The following MAP7D1 variants were observed in gnomAD, a reference collection of about 807,000 sequenced individuals.
The protein encoded by MAP7D1 is MAP7 domain-containing protein 1.
A neutral mutation model predicts 97.5 loss-of-function variants in MAP7D1; 30 were observed. The observed-to-expected ratio is 0.31, with a 90% CI of 0.23 to 0.42. The LOEUF is 0.42. MAP7D1 is among the 10% of genes least tolerant of loss of function. MAP7D1 has a pLI of 1.00. For synonymous variants in MAP7D1, 536 were observed against 477.1 expected, an observed-to-expected ratio of 1.12 and a Z score of -1.61; for missense variants, 1,184 against 1,179.5, an observed-to-expected ratio of 1.00 and a Z score of -0.06.
At chr1:36,168,217 C>A (rs1644496680) in intron 1 of MAP7D1, among the ~76,000 whole-genome samples, 1 of 151,874 alleles carries the variant, frequency 6.6e-6, no homozygotes, top group South Asian at 2.1e-4. Flanking sequence ...ATTGCTTGAA[C>A]CTGGGAGGCA....
At position 36,180,418 on chromosome 1, in the gene MAP7D1, C is replaced by A; in HGVS notation, c.*160C>A. 1.0e-6 allele frequency: 1 copy of A among 974,930 alleles called. No individual in the cohort carries two copies. Among genetic ancestry groups the A allele is most frequent in the Non-Finnish European group, 1.6e-6 (1 of 623,576 alleles). The allele number at this position is 974,930 out of a possible 1,614,324, so 60.4% of individuals were successfully genotyped here. A position where few individuals can be genotyped will look rare whatever the true frequency, so the allele number is the denominator to read the frequency against. On this transcript the variant is annotated 3_prime_UTR_variant, in exon 17 of 17. Coordinates refer to ENST00000474796, the MANE Select transcript of MAP7D1 (RefSeq NM_001388490.1). ...TAATCTGCACCTTATAGACTGATGT[C>A]TCTTTGGCCGGAGCCAGATCTGCCC...
intron 4 of MAP7D1, 115 bp from the exon 5 acceptor site, chr1:36,173,249 G>C: frequency 1.3e-6 from 1 of 742,530 alleles, no homozygotes; most frequent in South Asian, 1.7e-5. Flanking sequence ...GTCAGGAAAA[G>C]ACTCCAAGGG....
intron 1 of MAP7D1, among the ~76,000 whole-genome samples, chr1:36,163,878 A>C (rs772594306): frequency 1.5e-4 from 18 of 116,728 alleles, no homozygotes; most frequent in Non-Finnish European, 2.4e-4. Context: ...CCCAGGCTGG[A>C]GTGCAGTAGT....
Position 36,176,924 on chromosome 1 carries a change from T to G in MAP7D1, c.1379+82T>G, listed in dbSNP as rs1004722998. ...CACAAATATTTGTTGGGCAACCACC[T>G]CTAGAATGCAACTTCCCTGAGGGCA... On this transcript the variant is annotated intron_variant, in intron 8 of 16. Transcript: ENST00000474796. The surrounding 1 kb of genome is among the most constrained non-coding windows in gnomAD (Gnocchi z 6.1). 5.7e-6 allele frequency: 7 copies of G among 1,219,440 alleles called. No individual in the cohort carries two copies. Among genetic ancestry groups the G allele is most frequent in the Non-Finnish European group, 8.1e-6 (7 of 864,190 alleles). 75.5% of individuals were successfully genotyped at this position (1,219,440 alleles called of 1,614,324 possible).
At chr1:36,174,740 C>T (rs138304888) in intron 5 of MAP7D1, among the ~76,000 whole-genome samples, 158 bp from the exon 6 acceptor site, 30 of 147,740 alleles carry the variant, frequency 2.0e-4, no homozygotes, top group Non-Finnish European at 3.3e-4. Flanking sequence ...CCCCACCCTC[C>T]CTCTCCCAGG....
At chr1:36,166,749 G>C (rs1170534984) in intron 1 of MAP7D1, among the ~76,000 whole-genome samples, 1 of 152,166 alleles carries the variant, frequency 6.6e-6, no homozygotes, top group African/African-American at 2.4e-5. Context: ...GACCCAGGGG[G>C]AACAAAGACT....
chr1:36,178,638 G>A (rs778844208), intron 10 of MAP7D1, 42 bp downstream of exon 10: 1 of 1,542,018 alleles, frequency 6.5e-7, no homozygotes, highest in Admixed American at 2.0e-5. Context: ...CGTGGGCGCT[G>A]GAGAAGAAGC....
chr1:36,176,440 G>T lies in MAP7D1; in HGVS notation c.1092G>T (p.Ser364=). The change falls in exon 7 of 17, where the codon TCG becomes TCT. Residue 364 remains serine, a synonymous_variant. Coordinates refer to ENST00000474796, the MANE Select transcript of MAP7D1 (RefSeq NM_001388490.1). The surrounding 1 kb of genome is among the most constrained non-coding windows in gnomAD (Gnocchi z 6.1). ...PSAAVPVCPR[S]ASASPLTPCS... is the part of the protein sequence containing the mutation. ...CAGCCGTGCCGGTGTGCCCGCGCTC[G>T]GCCTCCGCCAGCCCCCTGACGCCGT... 2.6e-6 allele frequency: 4 copies of T among 1,517,174 alleles called. No homozygotes were observed. Among genetic ancestry groups the T allele is most frequent in the South Asian group, 1.2e-5 (1 of 82,804 alleles). 94.0% of individuals were successfully genotyped at this position (1,517,174 alleles called of 1,614,324 possible).
chr1:36,168,338 A>G (rs919294177), intron 1 of MAP7D1, among the ~76,000 whole-genome samples: 8 of 151,306 alleles, frequency 5.3e-5, no homozygotes, highest in South Asian at 2.1e-4. Context: ...TACTAGTTCT[A>G]TGACTCTGTG....
In MAP7D1 at chr1:36,176,083, T is replaced by TC. The variant is rs1020349054; in HGVS notation, c.851-113dup. ...CCCGGTGTGATTGTGGGGAGAGGAC[T>TC]CCCGGGTGAGAAGCCTTGGCCTTGG... On this transcript the variant is annotated intron_variant, in intron 6 of 16. Transcript: ENST00000474796. This position sits in a 1 kb window ranked among gnomAD's most constrained non-coding sequence, Gnocchi z 6.1. The TC allele has an allele frequency of 3.4e-6, 4 of 1,165,510 alleles. No individual in the cohort carries two copies. The highest frequency in any genetic ancestry group is 4.7e-6 in the Non-Finnish European group (4 of 843,294). The allele number at this position is 1,165,510 out of a possible 1,614,324, so 72.2% of individuals were successfully genotyped here. A position where few individuals can be genotyped will look rare whatever the true frequency, so the allele number is the denominator to read the frequency against.
At chr1:36,171,955 A>AAC (rs1644551346) in intron 3 of MAP7D1, 1 of 222,212 alleles carries the variant, frequency 4.5e-6, no homozygotes, top group African/African-American at 2.3e-5. Flanking sequence ...AAAAAAAAAA[A>AAC]AAACCAACAC....
rs1180458245 is a variant in MAP7D1, at chr1:36,177,661, GA to G, written c.1380-211del. 3.8e-6 allele frequency: 3 copies of G among 794,354 alleles called. No homozygotes were observed. In the African/African-American group the frequency reaches 5.3e-5, roughly 14 times the overall value. 49.2% of individuals were successfully genotyped at this position (794,354 alleles called of 1,614,324 possible). A position where few individuals can be genotyped will look rare whatever the true frequency, so the allele number is the denominator to read the frequency against. Reference sequence around the variant, plus strand: ...TTAAGCTTACAGGCTATTGGCGGGGGACATACAATAATCAAAGAATCCCACA... The same window carrying G: ...TTAAGCTTACAGGCTATTGGCGGGGGCATACAATAATCAAAGAATCCCACA... On this transcript the variant is annotated intron_variant, in intron 8 of 16. Coordinates refer to ENST00000474796, the MANE Select transcript of MAP7D1 (RefSeq NM_001388490.1).
At chr1:36,175,137 C>T (rs913485390) in intron 6 of MAP7D1, 129 bp downstream of exon 6, 1 of 670,094 alleles carries the variant, frequency 1.5e-6, no homozygotes, top group Non-Finnish European at 2.7e-6. Flanking sequence ...CCCACTCTAC[C>T]TTACCCAGGG....
intron 1 of MAP7D1, among the ~76,000 whole-genome samples, chr1:36,156,914 C>T (rs1338956735): frequency 6.6e-6 from 1 of 152,158 alleles, no homozygotes; most frequent in Non-Finnish European, 1.5e-5. Context: ...CCCTGCATAC[C>T]GACGCCTCGG....
chr1:36,178,604 C>T lies in MAP7D1; in HGVS notation c.1886+8C>T, dbSNP rs1425708227. ...GCAGGCAGAAAGGGACAAGTGAGTGCGCCTCGGGGACTGAGGGGGCCCTCG... is the reference window on the plus strand; with the variant it reads ...GCAGGCAGAAAGGGACAAGTGAGTGTGCCTCGGGGACTGAGGGGGCCCTCG... On this transcript the variant is annotated splice_region_variant and intron_variant, in intron 10 of 16. Coordinates refer to ENST00000474796, the MANE Select transcript of MAP7D1 (RefSeq NM_001388490.1). 3.2e-6 allele frequency: 5 copies of T among 1,569,456 alleles called. No homozygotes were observed. Among genetic ancestry groups the T allele is most frequent in the African/African-American group, 1.4e-5 (1 of 74,018 alleles).
In MAP7D1 at chr1:36,178,062, C is replaced by A; in HGVS notation, c.1569C>A (p.Pro523=). 1 of 1,611,524 alleles carries A rather than the reference C, an allele frequency of 6.2e-7. No individual in the cohort carries two copies. ...AGGAGAGCCCCAGCGCCGCAGGGCC[C>A]GAGGACAAGAGCCAGAGCAAGCGCA... ...EAKESPSAAG[P]EDKSQSKRRA... is the part of the protein sequence containing the mutation. Residue 523 remains proline, a synonymous_variant, in exon 9 of 17, where the codon CCC becomes CCA. Transcript: ENST00000474796.
Position 36,159,035 on chromosome 1 carries a change from GTTATTTATTTATTTAT to G in MAP7D1, c.46+2595_46+2610del, listed in dbSNP as rs34482844. Reference sequence around the variant, plus strand: ...AGTGCCCAATAAGTGCTAGCCATTTGTTATTTATTTATTTATTTATTTATTTATTTATTTATTTTGA... The same window carrying G: ...AGTGCCCAATAAGTGCTAGCCATTTGTTATTTATTTATTTATTTATTTTGA... On this transcript the variant is annotated intron_variant, in intron 1 of 16. Coordinates refer to ENST00000474796, the MANE Select transcript of MAP7D1 (RefSeq NM_001388490.1). The surrounding 1 kb of genome is among the most constrained non-coding windows in gnomAD (Gnocchi z 5.4). 1.7e-4 allele frequency among the ~76,000 whole-genome samples: 25 copies of G among 145,994 alleles called. No individual in the cohort carries two copies. Among genetic ancestry groups the G allele is most frequent in the African/African-American group, 5.8e-4 (23 of 39,800 alleles).
intron 1 of MAP7D1, among the ~76,000 whole-genome samples, chr1:36,168,987 C>T (rs1373045585): frequency 6.6e-6 from 1 of 152,146 alleles, no homozygotes; most frequent in African/African-American, 2.4e-5. Flanking sequence ...TGCAGTGGCT[C>T]ATGCCTGTAA....
Position 36,176,291 on chromosome 1 carries a change from G to A in MAP7D1, c.943G>A (p.Val315Ile). ...LSFLARSRSA[V>I]TLPRNGRDQG... ...CTTCCTTGCTCGGAGTCGCAGCGCG[G>A]TCACACTGCCCCGCAACGGCCGGGA... Residue 315 changes from valine (V) to isoleucine (I), a missense_variant, in exon 7 of 17, where the codon GTC becomes ATC. By Grantham distance (29) the Val-to-Ile change is conservative. Coordinates refer to ENST00000474796, the MANE Select transcript of MAP7D1 (RefSeq NM_001388490.1). This position sits in a 1 kb window ranked among gnomAD's most constrained non-coding sequence, Gnocchi z 6.1. The A allele has an allele frequency of 6.3e-7, 1 of 1,593,360 alleles. No homozygotes were observed. Among genetic ancestry groups the A allele is most frequent in the Non-Finnish European group, 8.5e-7 (1 of 1,172,274 alleles).
Sources: gnomAD v4.1 joint callset for allele counts (sites outside exome capture counted in the v4.1 genomes callset) on GRCh38, gnomAD v4.1.1 for gene constraint, Gnocchi (gnomAD v3.1) non-coding constraint, MANE v1.5 for transcripts, NCBI Gene and HGNC (gene_info 2026-07-23, HGNC 2026-07-21) for gene names.